The following GSAP variants were observed in gnomAD, a reference collection of about 807,000 sequenced individuals.
GSAP encodes the protein gamma-secretase-activating protein.
A neutral mutation model predicts 131.7 loss-of-function variants in GSAP; 118 were observed. That is an observed-to-expected ratio of 0.90 (90% CI 0.77 to 1.04). The LOEUF is 1.04. GSAP is among the 50% of genes least tolerant of loss of function. GSAP has a pLI of 0.00. For synonymous variants in GSAP, 381 were observed against 363.4 expected (o/e 1.05, Z -0.55); for missense variants, 1,019 against 1,013.2 (o/e 1.01, Z -0.08).
intron 6 of GSAP, among the ~76,000 whole-genome samples, chr7:77,382,922 A>T (rs1038329138): frequency 6.6e-6 from 1 of 152,190 alleles, no homozygotes; most frequent in African/African-American, 2.4e-5. Flanking sequence ...ACAGTGGCTC[A>T]CACCTGTATC....
intron 23 of GSAP, 49 bp from the exon 24 acceptor site, chr7:77,323,791 C>T: frequency 1.2e-6 from 1 of 801,782 alleles, no homozygotes; most frequent in Non-Finnish European, 2.1e-6. Flanking sequence ...CCACTCATAC[C>T]TGCAACTGGT....
intron 19 of GSAP, among the ~76,000 whole-genome samples, chr7:77,340,637 C>G (rs1030400047): frequency 1.3e-5 from 2 of 152,298 alleles, no homozygotes; most frequent in East Asian, 3.9e-4. Flanking sequence ...TCCGTGGACC[C>G]AAAACTCCGG....
At chr7:77,345,987 T>C (rs566794910) in intron 19 of GSAP, among the ~76,000 whole-genome samples, 33 of 152,076 alleles carry the variant, frequency 2.2e-4, no homozygotes, top group African/African-American at 7.7e-4. Context: ...CTTAGGGGAA[T>C]AGATCAAAAG....
chr7:77,394,409 T>A (rs1201084048), intron 5 of GSAP, among the ~76,000 whole-genome samples: 1 of 152,232 alleles, frequency 6.6e-6, no homozygotes, highest in Non-Finnish European at 1.5e-5. Context: ...GCCTCGTGCT[T>A]GTTCCATCCC....
chr7:77,353,154 G>A (rs1381744120), intron 17 of GSAP, 128 bp from the exon 18 acceptor site: 5 of 626,686 alleles, frequency 8.0e-6, no homozygotes, highest in Non-Finnish European at 5.7e-6. Context: ...TCCTCAAAAC[G>A]GTAACCATCA....
intron 4 of GSAP, 47 bp from the exon 5 acceptor site, chr7:77,397,082 A>G: frequency 7.9e-7 from 1 of 1,265,940 alleles, no homozygotes; most frequent in Non-Finnish European, 1.1e-6. Flanking sequence ...TCCATATGGT[A>G]GCTTGTTAAA....
chr7:77,357,700 TC>T (rs1297541554), intron 14 of GSAP, among the ~76,000 whole-genome samples: 1 of 152,190 alleles, frequency 6.6e-6, no homozygotes, highest in African/African-American at 2.4e-5. Context: ...ATTCAAGCCA[TC>T]CTGGGCTGTG....
At chr7:77,333,076 A>G (rs1789398921) in intron 19 of GSAP, among the ~76,000 whole-genome samples, 1 of 152,194 alleles carries the variant, frequency 6.6e-6, no homozygotes, top group Non-Finnish European at 1.5e-5. Context: ...CTGAGGCAGG[A>G]GAAACACTTG....
At chr7:77,358,959 G>A (rs1381670727) in intron 14 of GSAP, among the ~76,000 whole-genome samples, 1 of 152,214 alleles carries the variant, frequency 6.6e-6, no homozygotes, top group Non-Finnish European at 1.5e-5. Context: ...GGCCGAGGCA[G>A]GTGGATCACG....
At chr7:77,360,785 A>G (rs753883285) in intron 14 of GSAP, 39 bp downstream of exon 14, 2 of 1,047,414 alleles carry the variant, frequency 1.9e-6, no homozygotes, top group South Asian at 2.5e-5. Flanking sequence ...CCTAGGAACA[A>G]GTGTTCAGAG....
At chr7:77,415,669 A>C (rs1431087519) in intron 1 of GSAP, 1 of 152,090 alleles carries the variant, frequency 6.6e-6, no homozygotes, top group African/African-American at 2.4e-5. Context: ...GCCGAGGCCC[A>C]TGTCCCCTGA....
intron 14 of GSAP, among the ~76,000 whole-genome samples, chr7:77,359,750 CA>C (rs1027870600): frequency 6.6e-6 from 1 of 152,136 alleles, no homozygotes; most frequent in African/African-American, 2.4e-5. Context: ...AAGTCATTCC[CA>C]GGGGTAAAAA....
At chr7:77,366,614 T>C (rs550569977) in intron 12 of GSAP, among the ~76,000 whole-genome samples, 1 of 152,362 alleles carries the variant, frequency 6.6e-6, no homozygotes, top group East Asian at 1.9e-4. Flanking sequence ...AACAGTACCA[T>C]ACTGTTTTGG....
chr7:77,316,062 A>C (rs1008574976), intron 26 of GSAP: 1 of 152,234 alleles, frequency 6.6e-6, no homozygotes, highest in Non-Finnish European at 1.5e-5. Context: ...GGAGGTAATG[A>C]AAGTTTTTAA....
At chr7:77,408,689 CAAAAAAAAA>C (rs749202124) in intron 1 of GSAP, among the ~76,000 whole-genome samples, 3 of 67,056 alleles carry the variant, frequency 4.5e-5, no homozygotes, top group South Asian at 1.1e-3. Context: ...ACTCTGCCTC[CAAAAAAAAA>C]AAAAAAAAAA....
intron 3 of GSAP, among the ~76,000 whole-genome samples, chr7:77,402,716 G>T (rs1039061899): frequency 6.6e-6 from 1 of 150,626 alleles, no homozygotes; most frequent in African/African-American, 2.4e-5. Context: ...GGCTGTAAGG[G>T]TTGTGCCTAC....
chr7:77,413,272 G>A lies in GSAP; in HGVS notation c.109+2941C>T, dbSNP rs1452623021. On this transcript the variant is annotated intron_variant, in intron 1 of 30. Coordinates refer to ENST00000257626, the MANE Select transcript of GSAP (RefSeq NM_017439.4). ...AAGAGGAAGCTTCGGAACTGAAATG[G>A]AGTTGTCCCATGTTCAGTCAAAATG... Among the ~76,000 whole-genome samples the A allele has an allele frequency of 2.0e-5, 3 of 152,212 alleles. No homozygotes were observed. The South Asian group carries it at 6.2e-4, about 31-fold the overall frequency.
intron 3 of GSAP, among the ~76,000 whole-genome samples, chr7:77,399,599 C>G (rs567996395): frequency 6.6e-6 from 1 of 151,524 alleles, no homozygotes; most frequent in Non-Finnish European, 1.5e-5. Flanking sequence ...CTATTGGGAC[C>G]GTGCTTATGC....
chr7:77,318,766 A>T (rs1168787828), intron 26 of GSAP, among the ~76,000 whole-genome samples: 1 of 152,108 alleles, frequency 6.6e-6, no homozygotes, highest in Non-Finnish European at 1.5e-5. Flanking sequence ...TAAAAGAAAC[A>T]TAGAGGGAAA....
Sources: allele counts gnomAD v4.1 joint callset (sites outside exome capture counted in the v4.1 genomes callset), GRCh38; gene constraint gnomAD v4.1.1; transcripts MANE v1.5; gene names NCBI Gene and HGNC (gene_info 2026-07-23, HGNC 2026-07-21).